CACNA1C: variants seen among roughly 807,000 people sequenced by gnomAD.
CACNA1C encodes the protein calcium voltage-gated channel subunit alpha1 C.
In CACNA1C, 30 loss-of-function variants were observed where a neutral mutation model predicts 229.0. That is an observed-to-expected ratio of 0.13 (90% CI 0.10 to 0.18). The LOEUF (loss-of-function observed/expected upper bound fraction) is 0.18, where lower values mean the gene tolerates loss of function less well. CACNA1C is among the 10% of genes least tolerant of loss of function. The pLI, the probability that CACNA1C is intolerant of heterozygous loss-of-function variation, is 1.00. For synonymous variants in CACNA1C, 1,114 were observed against 1,132.5 expected (o/e 0.98, Z 0.33); for missense variants, 1,658 against 2,845.0 (o/e 0.58, Z 9.49).
At chr12:2,125,233 C>T (rs148976618) in intron 3 of CACNA1C, among the ~76,000 whole-genome samples, 3 of 152,192 alleles carry the variant, frequency 2.0e-5, no homozygotes, top group Non-Finnish European at 2.9e-5. Flanking sequence ...AGTTCAAAAT[C>T]GTGGCTCATG....
Position 2,680,501 on chromosome 12 carries a change from CCACGCTT to C in CACNA1C, c.5444+709_5444+715del, listed in dbSNP as rs542995722. Reference sequence around the variant, plus strand: ...AGGACACACCCTGCATCGTGCCTGGCCACGCTTCACTGTGCTGCTCTTCCAGAGTAGG... The same window carrying C: ...AGGACACACCCTGCATCGTGCCTGGCCACTGTGCTGCTCTTCCAGAGTAGG... On this transcript the variant is annotated intron_variant, in intron 42 of 46. Transcript: ENST00000399655. 5.4e-5 allele frequency: 85 copies of C among 1,570,756 alleles called. No homozygotes were observed. In the African/African-American group the frequency reaches 1.0e-3, roughly 18 times the overall value.
In CACNA1C at chr12:2,286,746, G is replaced by A. The variant is rs146215916; in HGVS notation, c.478-162230G>A. Among the ~76,000 whole-genome samples the A allele has an allele frequency of 3.2e-3, 487 of 152,300 alleles. 2 individuals are homozygous for A. The highest frequency in any genetic ancestry group is 0.011 in the African/African-American group (467 of 41,570). On this transcript the variant is annotated intron_variant, in intron 3 of 46. Coordinates refer to ENST00000399655, the MANE Select transcript of CACNA1C (RefSeq NM_000719.7). ...ACCCAGGCTCAGGCTGTCATGAGCAGCCCTCCTCTGGAGAGTGGGAAATGT... is the reference window on the plus strand; with the variant it reads ...ACCCAGGCTCAGGCTGTCATGAGCAACCCTCCTCTGGAGAGTGGGAAATGT...
intron 3 of CACNA1C, among the ~76,000 whole-genome samples, chr12:2,299,418 C>T (rs1214502343): frequency 1.3e-5 from 2 of 152,092 alleles, no homozygotes; most frequent in African/African-American, 4.8e-5. Context: ...CAGCTGTGTA[C>T]CATTTCCTGC....
At chr12:2,456,941 A>T (rs907767096) in intron 4 of CACNA1C, among the ~76,000 whole-genome samples, 1 of 152,244 alleles carries the variant, frequency 6.6e-6, no homozygotes, top group African/African-American at 2.4e-5. Flanking sequence ...GGAGGAGTGA[A>T]TATGCCAGCT....
intron 9 of CACNA1C, among the ~76,000 whole-genome samples, chr12:2,546,103 G>T (rs1311455872): frequency 7.1e-6 from 1 of 139,938 alleles, no homozygotes; most frequent in Non-Finnish European, 1.5e-5. Context: ...GTGTCTTCCT[G>T]CTCTCCCATG....
chr12:2,030,202 G>T (rs1371032363), intron 1 of CACNA1C, among the ~76,000 whole-genome samples: 1 of 152,112 alleles, frequency 6.6e-6, no homozygotes, highest in Non-Finnish European at 1.5e-5. Context: ...ATGAACATCT[G>T]AACTGTAGAG....
chr12:2,453,075 C>T (rs139988080), intron 4 of CACNA1C, among the ~76,000 whole-genome samples: 12 of 152,238 alleles, frequency 7.9e-5, no homozygotes, highest in Admixed American at 1.3e-4. Context: ...TCTCAAACTT[C>T]GTTCGGCTGC....
intron 3 of CACNA1C, among the ~76,000 whole-genome samples, chr12:2,442,419 A>G (rs1221783054): frequency 6.6e-6 from 1 of 152,144 alleles, no homozygotes; most frequent in East Asian, 1.9e-4. Flanking sequence ...GGAGAAGAAG[A>G]TGGAAATAGG....
At chr12:2,640,770 T>C (rs1182759734) in intron 30 of CACNA1C, among the ~76,000 whole-genome samples, 1 of 152,142 alleles carries the variant, frequency 6.6e-6, no homozygotes, top group East Asian at 1.9e-4. Context: ...CCTATAACTG[T>C]CACTCACTAC....
intron 3 of CACNA1C, among the ~76,000 whole-genome samples, chr12:2,137,953 G>C (rs2093719402): frequency 6.6e-6 from 1 of 151,454 alleles, no homozygotes; most frequent in African/African-American, 2.4e-5. Context: ...AGGCGCCCCT[G>C]CCGGGAGCTC....
intron 11 of CACNA1C, among the ~76,000 whole-genome samples, chr12:2,562,255 A>G (rs1052347767): frequency 2.0e-5 from 3 of 152,166 alleles, no homozygotes; most frequent in African/African-American, 7.2e-5. Context: ...AAGCATGAGG[A>G]AAAAGGGGCA....
At chr12:2,411,857 T>G (rs1176213322) in intron 3 of CACNA1C, among the ~76,000 whole-genome samples, 1 of 152,218 alleles carries the variant, frequency 6.6e-6, no homozygotes, top group Non-Finnish European at 1.5e-5. Context: ...GAATTGCAGA[T>G]GTCTGCTTCC....
intron 3 of CACNA1C, among the ~76,000 whole-genome samples, chr12:2,213,685 G>A (rs2059243567): frequency 6.6e-6 from 1 of 152,162 alleles, no homozygotes; most frequent in South Asian, 2.1e-4. Flanking sequence ...GAGGCTAAAC[G>A]CTAGGCTTCC....
intron 3 of CACNA1C, among the ~76,000 whole-genome samples, chr12:2,439,326 CA>C (rs2099192247): frequency 6.6e-6 from 1 of 152,190 alleles, no homozygotes; most frequent in Admixed American, 6.5e-5. Context: ...GGACACCAGG[CA>C]AATCAAATGC....
At chr12:2,109,266 T>A (rs2080636637) in intron 1 of CACNA1C, among the ~76,000 whole-genome samples, 1 of 152,142 alleles carries the variant, frequency 6.6e-6, no homozygotes, top group South Asian at 2.1e-4. Flanking sequence ...GGCATGTTTA[T>A]TCAACGGTGG....
intron 29 of CACNA1C, chr12:2,614,604 C>A (rs1252341396): frequency 6.6e-6 from 1 of 152,232 alleles, no homozygotes; most frequent in Non-Finnish European, 1.5e-5. Context: ...GAATCCATGA[C>A]AACTTTCATT....
chr12:2,583,245 T>C (rs971041029), intron 15 of CACNA1C, among the ~76,000 whole-genome samples: 15 of 152,294 alleles, frequency 9.8e-5, no homozygotes, highest in South Asian at 4.1e-4. Flanking sequence ...CCGCCTGCGA[T>C]AGGGACGCGC....
Position 2,501,033 on chromosome 12 carries a change from C to T in CACNA1C, c.1114-3809C>T, listed in dbSNP as rs377548754. 3.6e-3 allele frequency among the ~76,000 whole-genome samples: 531 copies of T among 148,848 alleles called. 5 individuals carry two copies. Among genetic ancestry groups the T allele is most frequent in the African/African-American group, 0.012 (503 of 40,692 alleles). ...CATCCTGGCTAACACGGTGAAACCCCGTCTCTACTTTAAAAAAAAAAAAAA... is the reference window on the plus strand; with the variant it reads ...CATCCTGGCTAACACGGTGAAACCCTGTCTCTACTTTAAAAAAAAAAAAAA... On this transcript the variant is annotated intron_variant, in intron 7 of 46. Transcript: ENST00000399655.
rs115629179 is a variant in CACNA1C, at chr12:1,988,786, T to C, written c.139+17585T>C. On this transcript the variant is annotated intron_variant, in intron 1 of 46. Coordinates refer to the CACNA1C transcript ENST00000682462. ...ATGGGGGCTACCTGTAATTTTCCTT[T>C]TCATTCAGGGTACTATTTCCGTTAT... Among the ~76,000 whole-genome samples the C allele has an allele frequency of 9.2e-3, 1,399 of 152,274 alleles. 15 individuals are homozygous for C. Among genetic ancestry groups the C allele is most frequent in the African/African-American group, 0.032 (1,318 of 41,532 alleles).
Sources: allele counts gnomAD v4.1 joint callset (sites outside exome capture counted in the v4.1 genomes callset), GRCh38; gene constraint gnomAD v4.1.1; transcripts MANE v1.5; gene names NCBI Gene and HGNC (gene_info 2026-07-23, HGNC 2026-07-21).